The following NARS2 variants were observed in gnomAD, a reference collection of about 807,000 sequenced individuals.
NARS2 encodes asparaginyl-tRNA synthetase 2, mitochondrial, also known as asparaginyl-tRNA synthetase.
A neutral mutation model predicts 62.9 loss-of-function variants in NARS2; 60 were observed. The observed-to-expected ratio is 0.95, with a 90% CI of 0.77 to 1.18. NARS2 has a LOEUF of 1.18. Ranked by LOEUF, NARS2 falls within the 50% of genes most tolerant of loss-of-function variation. NARS2 has a pLI of 0.00. For missense variants in NARS2, 619 were observed against 576.4 expected (o/e 1.07, Z -0.76); for synonymous variants, 196 against 200.0 (o/e 0.98, Z 0.17).
At chr11:78,476,218 G>C (rs917242981) in intron 9 of NARS2, among the ~76,000 whole-genome samples, 18 of 152,182 alleles carry the variant, frequency 1.2e-4, no homozygotes, top group African/African-American at 4.1e-4. Flanking sequence ...GCTACTGCTG[G>C]CAGGAACACA....
chr11:78,573,906 G>A (rs1466923355), intron 1 of NARS2, among the ~76,000 whole-genome samples: 1 of 152,154 alleles, frequency 6.6e-6, no homozygotes, highest in Non-Finnish European at 1.5e-5. Context: ...CCCCACAATA[G>A]GCACTGAGGT....
chr11:78,553,372 T>C (rs1376770663), intron 5 of NARS2, among the ~76,000 whole-genome samples: 2 of 151,646 alleles, frequency 1.3e-5, no homozygotes, highest in East Asian at 3.9e-4. Flanking sequence ...CACTGCAACC[T>C]GCACCTCCCG....
intron 11 of NARS2, among the ~76,000 whole-genome samples, chr11:78,462,815 A>C (rs536946801): frequency 6.6e-6 from 1 of 152,186 alleles, no homozygotes; most frequent in South Asian, 2.1e-4. Context: ...AAATACAGTC[A>C]AACAGATAAC....
At chr11:78,568,570 A>G (rs1368374435) in intron 3 of NARS2, 62 bp downstream of exon 3, 22 of 1,550,290 alleles carry the variant, frequency 1.4e-5, no homozygotes, top group Non-Finnish European at 1.9e-5. Context: ...AATCACACTT[A>G]AAACAGATTG....
chr11:78,554,500 C>CGTGCGTGTGT (rs1555041388), intron 5 of NARS2, among the ~76,000 whole-genome samples: 6 of 42,498 alleles, frequency 1.4e-4, no homozygotes, highest in African/African-American at 2.5e-4. Context: ...TATTCCTAGG[C>CGTGCGTGTGT]GTGTGTGCGT....
chr11:78,573,253 TAAC>T (rs1436474921), intron 1 of NARS2: 1 of 152,318 alleles, frequency 6.6e-6, no homozygotes, highest in East Asian at 1.9e-4. Context: ...GTATTTATTA[TAAC>T]AACATCTACC....
At chr11:78,522,395 T>A (rs7104384) in intron 6 of NARS2, among the ~76,000 whole-genome samples, 20,155 of 152,088 alleles carry the variant, frequency 0.13, 4,369 homozygotes, top group African/African-American at 0.45. Flanking sequence ...ACATTTCAAG[T>A]CAAAAAACAA....
chr11:78,501,869 C>T (rs1860293900), intron 6 of NARS2, among the ~76,000 whole-genome samples: 1 of 151,968 alleles, frequency 6.6e-6, no homozygotes, highest in Non-Finnish European at 1.5e-5. Flanking sequence ...GACAGGTATT[C>T]AAACAAAACT....
chr11:78,523,296 G>T (rs1271438127), intron 6 of NARS2, among the ~76,000 whole-genome samples: 1 of 143,290 alleles, frequency 7.0e-6, no homozygotes, highest in African/African-American at 3.1e-5. Context: ...TGTCAGAACA[G>T]CTACAATAAA....
chr11:78,521,150 C>T (rs1590809390), intron 6 of NARS2, among the ~76,000 whole-genome samples: 3 of 146,740 alleles, frequency 2.0e-5, no homozygotes, highest in Admixed American at 2.0e-4. Flanking sequence ...AATTTGTTTT[C>T]TTATTCTCTC....
intron 6 of NARS2, among the ~76,000 whole-genome samples, chr11:78,525,580 T>TA (rs1196423762): frequency 6.6e-6 from 1 of 151,942 alleles, no homozygotes; most frequent in East Asian, 1.9e-4. Flanking sequence ...ATTACACAAA[T>TA]AAAAAATAAA....
chr11:78,436,613 A>G lies in NARS2; in HGVS notation c.*57T>C, dbSNP rs1211918992. On this transcript the variant is annotated 3_prime_UTR_variant, in exon 14 of 14. Coordinates refer to ENST00000281038, the MANE Select transcript of NARS2 (RefSeq NM_024678.6). Reference sequence around the variant, plus strand: ...TCCAAACATGCATTCTGCTGTATGCACAATCATGTGCAGTGTCTCTGCCAT... The same window carrying G: ...TCCAAACATGCATTCTGCTGTATGCGCAATCATGTGCAGTGTCTCTGCCAT... 6.3e-7 allele frequency: 1 copy of G among 1,579,744 alleles called. No homozygotes were observed. The highest frequency in any genetic ancestry group is 1.4e-5 in the African/African-American group (1 of 73,866).
chr11:78,487,005 G>T, intron 7 of NARS2, among the ~76,000 whole-genome samples: 1 of 152,088 alleles, frequency 6.6e-6, no homozygotes, highest in Non-Finnish European at 1.5e-5. Flanking sequence ...AAAGAAGAAA[G>T]AATTAGTAAG....
chr11:78,460,736 T>A (rs1858362115), intron 11 of NARS2, among the ~76,000 whole-genome samples: 1 of 152,182 alleles, frequency 6.6e-6, no homozygotes, highest in Non-Finnish European at 1.5e-5. Flanking sequence ...GTTTTGGATG[T>A]GTTGTGTTTG....
intron 9 of NARS2, among the ~76,000 whole-genome samples, chr11:78,471,653 T>TACGTAC (rs1858880356): frequency 6.6e-6 from 1 of 151,424 alleles, no homozygotes; most frequent in Non-Finnish European, 1.5e-5. Context: ...CATCTAGCAT[T>TACGTAC]ACGTACATCT....
At chr11:78,494,369 T>G (rs1276945384) in intron 6 of NARS2, among the ~76,000 whole-genome samples, 1 of 152,142 alleles carries the variant, frequency 6.6e-6, no homozygotes, top group Non-Finnish European at 1.5e-5. Context: ...TCCTTGATCC[T>G]GAGCACACCT....
chr11:78,568,635 G>A lies in NARS2; in HGVS notation c.369C>T (p.Ala123=), dbSNP rs151326892. The change falls in exon 3 of 14, where the codon GCC becomes GCT. Residue 123 remains alanine, a synonymous_variant. Transcript: ENST00000281038. ...ACAAAAGTGTCAGAAATCATACCTT[G>A]GCATCACAATTTCCAATAACTTTAA... ...EKIKVIGNCD[A]KDFPIKYKER... 445 of 1,611,326 alleles carry A rather than the reference G, an allele frequency of 2.8e-4. No individual in the cohort carries two copies. The African/African-American group carries it at 4.3e-3, about 16-fold the overall frequency.
chr11:78,500,448 G>A lies in NARS2; in HGVS notation c.690-7253C>T, dbSNP rs577924503. Reference sequence around the variant, plus strand: ...TTTTTGTCTCCTTCCTTTCCATCGGGCTACAGTTTGCATTTGCTTGATTTT... The same window carrying A: ...TTTTTGTCTCCTTCCTTTCCATCGGACTACAGTTTGCATTTGCTTGATTTT... On this transcript the variant is annotated intron_variant, in intron 6 of 13. Transcript: ENST00000281038. 5.3e-5 allele frequency among the ~76,000 whole-genome samples: 8 copies of A among 152,242 alleles called. No homozygotes were observed. In the South Asian group the frequency reaches 1.7e-3, roughly 32 times the overall value.
At chr11:78,566,909 GA>G (rs1856763340) in intron 3 of NARS2, among the ~76,000 whole-genome samples, 1 of 152,100 alleles carries the variant, frequency 6.6e-6, no homozygotes, top group African/African-American at 2.4e-5. Context: ...TAATTAAAAA[GA>G]TAACAGAGAA....
Sources: allele counts gnomAD v4.1 joint callset (sites outside exome capture counted in the v4.1 genomes callset), GRCh38; gene constraint gnomAD v4.1.1; transcripts MANE v1.5; gene names NCBI Gene and HGNC (gene_info 2026-07-23, HGNC 2026-07-21).